The following ZNF362 variants were observed in gnomAD, a reference collection of about 807,000 sequenced individuals.
ZNF362 encodes zinc finger protein 362.
A neutral mutation model predicts 42.9 loss-of-function variants in ZNF362; 11 were observed. That is an observed-to-expected ratio of 0.26 (90% confidence interval 0.16 to 0.42). ZNF362 has a LOEUF of 0.42. Ranked by LOEUF, ZNF362 falls within the 20% of genes least tolerant of loss-of-function variation. The probability of loss-of-function intolerance (pLI) is 1.00; values close to 1 mark genes in which losing one functional copy is unlikely to be tolerated. For missense variants in ZNF362, 362 were observed against 576.2 expected, an observed-to-expected ratio of 0.63 and a Z score of 3.81; for synonymous variants, 255 against 257.3, an observed-to-expected ratio of 0.99 and a Z score of 0.09.
chr1:33,270,796 TC>T (rs1259066522), intron 2 of ZNF362, among the ~76,000 whole-genome samples, 184 bp downstream of exon 2: 1 of 152,132 alleles, frequency 6.6e-6, no homozygotes, highest in Non-Finnish European at 1.5e-5. Context: ...TGTGGGTTCC[TC>T]CTCACGGCAG....
Position 33,300,407 on chromosome 1 carries a change from A to T in ZNF362, c.*1361A>T, listed in dbSNP as rs1363960739. ...TTACTCCCTGTAAATACGCTGTTAT[A>T]CATACTGTTAACACCCCTTTGCTTT... On this transcript the variant is annotated 3_prime_UTR_variant, in exon 9 of 9. Transcript: ENST00000539719. The T allele has an allele frequency of 1.4e-5, 2 of 142,656 alleles. No individual in the cohort carries two copies. Among genetic ancestry groups the T allele is most frequent in the African/African-American group, 5.3e-5 (2 of 37,770 alleles). 8.8% of individuals were successfully genotyped at this position (142,656 alleles called of 1,614,324 possible). A position where few individuals can be genotyped will look rare whatever the true frequency, so the allele number is the denominator to read the frequency against.
chr1:33,236,963 C>T, the ZNF362 span, among the ~76,000 whole-genome samples: 7 of 151,716 alleles, frequency 4.6e-5, no homozygotes, highest in East Asian at 7.8e-4. Flanking sequence ...CCCAGCTACT[C>T]GGGAGGCTGA....
the ZNF362 span, among the ~76,000 whole-genome samples, chr1:33,248,716 C>CA: frequency 6.6e-6 from 1 of 152,198 alleles, no homozygotes; most frequent in South Asian, 2.1e-4. Context: ...CCAAGCCAGG[C>CA]AACCCTGTGC....
the ZNF362 span, among the ~76,000 whole-genome samples, chr1:33,197,472 C>A: frequency 6.6e-6 from 1 of 152,118 alleles, no homozygotes. Flanking sequence ...TCTTTTGGGA[C>A]CACTGTCACA....
the ZNF362 span, among the ~76,000 whole-genome samples, chr1:33,127,930 C>G: frequency 6.6e-6 from 1 of 152,134 alleles, no homozygotes; most frequent in East Asian, 1.9e-4. Flanking sequence ...CTCCTACCCT[C>G]CACTGCCTGT....
At chr1:33,258,257 G>C (rs1183276459) in intron 1 of ZNF362, among the ~76,000 whole-genome samples, 4 of 152,164 alleles carry the variant, frequency 2.6e-5, no homozygotes, top group African/African-American at 7.2e-5. Context: ...AGGGGGATCT[G>C]AAGGCCAGGC....
chr1:33,234,702 C>T, the ZNF362 span, among the ~76,000 whole-genome samples: 1 of 152,316 alleles, frequency 6.6e-6, no homozygotes, highest in Non-Finnish European at 1.5e-5. Context: ...GACTTGTCCA[C>T]TGGCTCCCTG....
chr1:33,276,184 C>T (rs1389644383), intron 3 of ZNF362, 21 bp downstream of exon 3: 1 of 1,612,352 alleles, frequency 6.2e-7, no homozygotes, highest in Non-Finnish European at 8.5e-7. Flanking sequence ...CGTCGCCCCT[C>T]CGGCTGCCCT....
chr1:33,247,694 C>T, the ZNF362 span, among the ~76,000 whole-genome samples: 52 of 152,332 alleles, frequency 3.4e-4, no homozygotes, highest in African/African-American at 1.2e-3. Flanking sequence ...TGGCAGTCCC[C>T]GGGCCAGTCT....
chr1:33,250,353 T>C, the ZNF362 span, among the ~76,000 whole-genome samples: 3 of 152,274 alleles, frequency 2.0e-5, no homozygotes, highest in African/African-American at 4.8e-5. Flanking sequence ...CCATTAATGA[T>C]AGACGGGATA....
the ZNF362 span, among the ~76,000 whole-genome samples, chr1:33,178,874 A>G: frequency 6.6e-6 from 1 of 152,226 alleles, no homozygotes; most frequent in African/African-American, 2.4e-5. Flanking sequence ...AGGTCATGGG[A>G]TAGAGTACAG....
At chr1:33,131,916 G>T in the ZNF362 span, among the ~76,000 whole-genome samples, 1 of 152,112 alleles carries the variant, frequency 6.6e-6, no homozygotes, top group African/African-American at 2.4e-5. Context: ...AACCTTGAGG[G>T]GAAATGAAAA....
chr1:33,296,188 C>T (rs971299012), intron 8 of ZNF362, among the ~76,000 whole-genome samples: 2 of 152,156 alleles, frequency 1.3e-5, no homozygotes, highest in African/African-American at 4.8e-5. Context: ...ACATTTGGGC[C>T]GGACCTTTCC....
At chr1:33,295,365 G>A in intron 8 of ZNF362, 60 bp downstream of exon 8, 1 of 1,575,998 alleles carries the variant, frequency 6.3e-7, no homozygotes, top group Non-Finnish European at 8.6e-7. Context: ...CCAGGCCTCA[G>A]TTGCTTCCCC....
rs1646144728 is a variant in ZNF362 at position 33,298,950 on chromosome 1, C to T, written c.1167C>T (p.His389=). ...AYTSETYLMK[H]MSKHTVVEHL... ...CACAGGAGACCTACCTGATGAAGCA[C>T]ATGTCCAAACACACGGTGGTGGAGC... The change falls in exon 9 of 9, where the codon CAC becomes CAT. Residue 389 remains histidine, a synonymous_variant. Coordinates refer to ENST00000539719, the MANE Select transcript of ZNF362 (RefSeq NM_152493.3). The T allele has an allele frequency of 1.2e-6, 2 of 1,614,008 alleles. No individual in the cohort carries two copies. The highest frequency in any genetic ancestry group is 2.2e-5 in the East Asian group (1 of 44,888).
chr1:33,241,031 G>A, the ZNF362 span, among the ~76,000 whole-genome samples: 1 of 151,952 alleles, frequency 6.6e-6, no homozygotes, highest in Admixed American at 6.6e-5. Context: ...TGAAGTGCTG[G>A]GTAATCCAAA....
At chr1:33,148,919 C>T in the ZNF362 span, among the ~76,000 whole-genome samples, 1 of 152,152 alleles carries the variant, frequency 6.6e-6, no homozygotes, top group Non-Finnish European at 1.5e-5. Flanking sequence ...CAGGACTAAC[C>T]AAGGTCGTCT....
the ZNF362 span, among the ~76,000 whole-genome samples, chr1:33,239,832 G>C: frequency 1.8e-4 from 27 of 152,278 alleles, 1 homozygote; most frequent in African/African-American, 6.0e-4. Context: ...GAACATGTCA[G>C]AAGGACATAG....
In ZNF362 at chr1:33,290,665, T is replaced by A. The variant is rs529085417; in HGVS notation, c.909-4272T>A. Among the ~76,000 whole-genome samples the A allele has an allele frequency of 5.6e-3, 846 of 151,632 alleles. 34 individuals are homozygous for A. The highest frequency in any genetic ancestry group is 0.05 in the Admixed American group (768 of 15,230). On this transcript the variant is annotated intron_variant, in intron 6 of 8. Coordinates refer to ENST00000539719, the MANE Select transcript of ZNF362 (RefSeq NM_152493.3). ...CTGACTTCCACAATGGTTGAACTAGTTTACAGTCCCACCAACAGTGTAAAA... is the reference window on the plus strand; with the variant it reads ...CTGACTTCCACAATGGTTGAACTAGATTACAGTCCCACCAACAGTGTAAAA...
Sources: allele counts gnomAD v4.1 joint callset (sites outside exome capture counted in the v4.1 genomes callset), GRCh38; gene constraint gnomAD v4.1.1; transcripts MANE v1.5; gene names NCBI Gene and HGNC (gene_info 2026-07-23, HGNC 2026-07-21).